Variants in NRIP2 observed in about 807,000 individuals in gnomAD.
NRIP2 encodes nuclear receptor interacting protein 2, also known as nuclear receptor-interacting protein 2.
Under a neutral mutation model 34.1 loss-of-function variants are expected in NRIP2, and 27 were observed. That is an observed-to-expected ratio of 0.79 (90% confidence interval 0.58 to 1.09). The LOEUF is 1.09. NRIP2 is among the 50% of genes least tolerant of loss of function. The probability of loss-of-function intolerance (pLI) is 0.00; values close to 1 mark genes in which losing one functional copy is unlikely to be tolerated. For synonymous variants in NRIP2, 145 were observed against 146.9 expected (o/e 0.99, Z 0.09); for missense variants, 385 against 352.6 (o/e 1.09, Z -0.74).
chr12:2,834,431 A>T (rs1393426847), intron 1 of NRIP2, among the ~76,000 whole-genome samples: 1 of 152,154 alleles, frequency 6.6e-6, no homozygotes, highest in Non-Finnish European at 1.5e-5. Context: ...AAGCCAAGCA[A>T]TGAGAGAATA....
At chr12:2,829,497 C>T (rs1197263990) in intron 2 of NRIP2, among the ~76,000 whole-genome samples, 2 of 152,152 alleles carry the variant, frequency 1.3e-5, no homozygotes, top group East Asian at 3.9e-4. Flanking sequence ...TGCCCTGGCC[C>T]TGTGGCTCAC....
chr12:2,827,581 CT>C lies in NRIP2; in HGVS notation c.753+43del. ...GGTTCCACACCTGTGCCTTCTACTA[CT>C]TTTTCCCAGTGCTTTGGGTCAGGCC... On this transcript the variant is annotated intron_variant, in intron 5 of 5. Transcript: ENST00000337508. The surrounding 1 kb of genome is among the most constrained non-coding windows in gnomAD (Gnocchi z 4.0). 1.2e-6 allele frequency: 2 copies of C among 1,613,726 alleles called. No homozygotes were observed. The highest frequency in any genetic ancestry group is 1.7e-6 in the Non-Finnish European group (2 of 1,179,894).
rs540181710 is a variant in NRIP2, at chr12:2,827,423, C to G, written c.754-124G>C. ...CTGCCTTTTGCTCTTCCCCCATCCC[C>G]ATTTCCCTAGACTCCTGTTGAAGGG... On this transcript the variant is annotated intron_variant, in intron 5 of 5. Transcript: ENST00000337508. This position sits in a 1 kb window ranked among gnomAD's most constrained non-coding sequence, Gnocchi z 4.0. 2 of 1,522,566 alleles carry G rather than the reference C, an allele frequency of 1.3e-6. No individual in the cohort carries two copies. The highest frequency in any genetic ancestry group is 4.6e-5 in the East Asian group (2 of 43,954). 94.3% of individuals were successfully genotyped at this position (1,522,566 alleles called of 1,614,324 possible). A position where few individuals can be genotyped will look rare whatever the true frequency, so the allele number is the denominator to read the frequency against.
chr12:2,829,880 C>T (rs752233175), intron 2 of NRIP2, among the ~76,000 whole-genome samples: 7 of 152,008 alleles, frequency 4.6e-5, no homozygotes, highest in Non-Finnish European at 7.4e-5. Flanking sequence ...GAGTTTGAGA[C>T]CAGCCTGACC....
intron 2 of NRIP2, 22 bp from the exon 3 acceptor site, chr12:2,828,436 G>C (rs763768091): frequency 1.3e-6 from 2 of 1,583,536 alleles, no homozygotes; most frequent in South Asian, 1.1e-5. Context: ...GAATCGTGGT[G>C]AATCAGTGAG....
intron 1 of NRIP2, among the ~76,000 whole-genome samples, chr12:2,832,515 T>G (rs2098008650): frequency 6.6e-6 from 1 of 151,990 alleles, no homozygotes; most frequent in Non-Finnish European, 1.5e-5. Flanking sequence ...AGGTTGTATC[T>G]TAAGTTTGAG....
chr12:2,828,092 G>C (rs369001601), intron 3 of NRIP2, 45 bp from the exon 4 acceptor site: 7 of 1,538,466 alleles, frequency 4.5e-6, no homozygotes, highest in Non-Finnish European at 6.2e-6. Flanking sequence ...GCCCCTAGAG[G>C]GTTCCACCCC....
rs753534798 is a variant in NRIP2 at position 2,830,741 on chromosome 12, C to T, written c.462G>A (p.Arg154=). The T allele has an allele frequency of 1.9e-6, 3 of 1,613,542 alleles. No homozygotes were observed. Among genetic ancestry groups the T allele is most frequent in the East Asian group, 4.5e-5 (2 of 44,834 alleles). ...TGACCAGAAGAGCTGGAATCTCTGT[C>T]CTGCTGGTCTTCCTCCTGCTCTCCT... ...HGQESRRKTS[R]TEIPALLVNC... The change falls in exon 2 of 6, where the codon AGG becomes AGA. Residue 154 remains arginine, a synonymous_variant. Coordinates refer to ENST00000337508, the MANE Select transcript of NRIP2 (RefSeq NM_031474.3).
In NRIP2 at chr12:2,827,453, AC is replaced by A. The variant is rs1201753562; in HGVS notation, c.754-155del. 3 of 985,210 alleles carry A rather than the reference AC, an allele frequency of 3.0e-6. No homozygotes were observed. The highest frequency in any genetic ancestry group is 3.6e-6 in the Non-Finnish European group (3 of 829,924). 61.0% of individuals were successfully genotyped at this position (985,210 alleles called of 1,614,324 possible). On this transcript the variant is annotated intron_variant, in intron 5 of 5. Transcript: ENST00000337508. The surrounding 1 kb of genome is among the most constrained non-coding windows in gnomAD (Gnocchi z 4.0). ...CCCTAGACTCCTGTTGAAGGGGGTG[AC>A]CCAGTTCTCTTGATTTTTCACTTGG...
At position 2,827,989 on chromosome 12, in the gene NRIP2, G is replaced by A. The variant is rs763920915; in HGVS notation, c.637C>T (p.Gln213Ter). The change falls in exon 4 of 6, where the codon CAG (glutamine) becomes TAG (stop). Residue 213 changes from glutamine to a stop codon, truncating the protein, a stop_gained. Transcript: ENST00000337508. LOFTEE classifies it high-confidence loss of function. The surrounding 1 kb of genome is among the most constrained non-coding windows in gnomAD (Gnocchi z 4.0). Reference sequence around the variant, plus strand: ...AGCTGTAGCTCCAACTGCTCCACCTGGGTTGGGGGCCCAGGGGCCAGGTCC... The same window carrying A: ...AGCTGTAGCTCCAACTGCTCCACCTAGGTTGGGGGCCCAGGGGCCAGGTCC... ...AGDLAPGPPT[Q>*]VEQLELQLGQ... The A allele has an allele frequency of 1.1e-5, 18 of 1,614,094 alleles. No homozygotes were observed. In the Admixed American group the frequency reaches 2.0e-4, roughly 18 times the overall value.
intron 2 of NRIP2, among the ~76,000 whole-genome samples, chr12:2,829,615 G>A (rs2097989759): frequency 6.6e-6 from 1 of 151,624 alleles, no homozygotes; most frequent in African/African-American, 2.4e-5. Flanking sequence ...TACAAAAAAA[G>A]AATTAGCCAG....
chr12:2,827,806 G>C lies in NRIP2; in HGVS notation c.700+120C>G. 6.2e-7 allele frequency: 1 copy of C among 1,603,210 alleles called. No individual in the cohort carries two copies. The highest frequency in any genetic ancestry group is 2.2e-4 in the Middle Eastern group (1 of 4,530). ...CGAGGACACTGGCACAGAGATGGGGGATAGTCAGAACATCTCTGGGAACTC... is the reference window on the plus strand; with the variant it reads ...CGAGGACACTGGCACAGAGATGGGGCATAGTCAGAACATCTCTGGGAACTC... On this transcript the variant is annotated intron_variant, in intron 4 of 5. Coordinates refer to ENST00000337508, the MANE Select transcript of NRIP2 (RefSeq NM_031474.3). This position sits in a 1 kb window ranked among gnomAD's most constrained non-coding sequence, Gnocchi z 4.0.
chr12:2,828,147 C>T, intron 3 of NRIP2, 100 bp from the exon 4 acceptor site: 2 of 1,267,720 alleles, frequency 1.6e-6, no homozygotes, highest in East Asian at 4.6e-5. Flanking sequence ...CATCTCCAAC[C>T]CCTGACCTCA....
chr12:2,829,715 T>C (rs2097990242), intron 2 of NRIP2, among the ~76,000 whole-genome samples: 1 of 151,840 alleles, frequency 6.6e-6, no homozygotes, highest in South Asian at 2.1e-4. Context: ...TGCAATGAGC[T>C]CTGATCATGC....
chr12:2,827,344 C>T lies in NRIP2; in HGVS notation c.754-45G>A, dbSNP rs1187887814. The T allele has an allele frequency of 6.3e-7, 1 of 1,587,288 alleles. No individual in the cohort carries two copies. Among genetic ancestry groups the T allele is most frequent in the African/African-American group, 1.4e-5 (1 of 74,060 alleles). ...CATGCCAGGTCACCTCAGCCCGCCACCTGCCTCCCGGCCTGCTCCTTTTGT... is the reference window on the plus strand; with the variant it reads ...CATGCCAGGTCACCTCAGCCCGCCATCTGCCTCCCGGCCTGCTCCTTTTGT... On this transcript the variant is annotated intron_variant, in intron 5 of 5. Transcript: ENST00000337508. The surrounding 1 kb of genome is among the most constrained non-coding windows in gnomAD (Gnocchi z 4.0).
intron 2 of NRIP2, 59 bp from the exon 3 acceptor site, chr12:2,828,473 A>G: frequency 7.8e-7 from 1 of 1,290,284 alleles, no homozygotes; most frequent in Non-Finnish European, 1.1e-6. Context: ...TTGGAATTGG[A>G]TCCTTCAGTT....
chr12:2,830,538 C>G (rs1459055562), intron 2 of NRIP2, 170 bp downstream of exon 2: 2 of 620,746 alleles, frequency 3.2e-6, no homozygotes, highest in East Asian at 3.1e-5. Flanking sequence ...GGAGACATGG[C>G]TTGGGGCAGG....
At chr12:2,831,002 C>T in intron 1 of NRIP2, 142 bp from the exon 2 acceptor site, 1 of 754,388 alleles carries the variant, frequency 1.3e-6, no homozygotes, top group Non-Finnish European at 2.0e-6. Flanking sequence ...CCCTAGGGTC[C>T]CAGATAATGA....
intron 2 of NRIP2, among the ~76,000 whole-genome samples, chr12:2,829,731 C>G (rs1348903150): frequency 6.6e-6 from 1 of 152,030 alleles, no homozygotes; most frequent in Non-Finnish European, 1.5e-5. Context: ...CATGCCACTA[C>G]ACTCCAGCCT....
Sources: allele counts gnomAD v4.1 joint callset (sites outside exome capture counted in the v4.1 genomes callset), GRCh38; gene constraint gnomAD v4.1.1; non-coding constraint Gnocchi (gnomAD v3.1); transcripts MANE v1.5; gene names NCBI Gene and HGNC (gene_info 2026-07-23, HGNC 2026-07-21).